Variants in MYOF observed in about 807,000 individuals in gnomAD.
MYOF encodes the protein fer-1-like 3, myoferlin.
Under a neutral mutation model 284.2 loss-of-function variants are expected in MYOF, and 244 were observed. That is an observed-to-expected ratio of 0.86 (90% CI 0.77 to 0.95). MYOF has a LOEUF of 0.95. Ranked by LOEUF, MYOF falls within the 40% of genes least tolerant of loss-of-function variation. The probability of loss-of-function intolerance (pLI) is 0.00; values close to 1 mark genes in which losing one functional copy is unlikely to be tolerated. For missense variants in MYOF, 2,496 were observed against 2,560.6 expected (o/e 0.97, Z 0.54); for synonymous variants, 904 against 919.7 (o/e 0.98, Z 0.31).
chr10:93,312,409 G>A (rs938081817), intron 51 of MYOF, among the ~76,000 whole-genome samples: 1 of 151,884 alleles, frequency 6.6e-6, no homozygotes, highest in African/African-American at 2.4e-5. Flanking sequence ...ACAGTGGCAC[G>A]ATCTTGGCTC....
At chr10:93,473,783 A>T (rs1401405357) in intron 1 of MYOF, among the ~76,000 whole-genome samples, 2 of 152,224 alleles carry the variant, frequency 1.3e-5, no homozygotes, top group Non-Finnish European at 2.9e-5. Flanking sequence ...ACAACAGGCT[A>T]GGGAGAGAAG....
At chr10:93,359,116 C>A (rs1844946341) in intron 29 of MYOF, among the ~76,000 whole-genome samples, 1 of 152,114 alleles carries the variant, frequency 6.6e-6, no homozygotes, top group African/African-American at 2.4e-5. Flanking sequence ...CCGGAGTTAC[C>A]CATTCTGTGG....
chr10:93,342,254 A>G (rs1310389493), intron 38 of MYOF, among the ~76,000 whole-genome samples: 1 of 152,196 alleles, frequency 6.6e-6, no homozygotes, highest in Non-Finnish European at 1.5e-5. Flanking sequence ...GGAAGTGGTA[A>G]TACATGCACA....
At chr10:93,322,066 A>T (rs1252377033) in intron 48 of MYOF, among the ~76,000 whole-genome samples, 10 of 152,206 alleles carry the variant, frequency 6.6e-5, no homozygotes, top group Admixed American at 6.5e-4. Flanking sequence ...AGCTGAGATT[A>T]GTTTCCCTAG....
At chr10:93,425,449 C>A (rs1014694655) in intron 5 of MYOF, among the ~76,000 whole-genome samples, 21 of 152,164 alleles carry the variant, frequency 1.4e-4, no homozygotes, top group Non-Finnish European at 2.9e-4. Flanking sequence ...GGCCCTCCCT[C>A]CCTGAGCCCT....
intron 19 of MYOF, among the ~76,000 whole-genome samples, 199 bp from the exon 20 acceptor site, chr10:93,381,595 A>G (rs539012190): frequency 2.1e-4 from 32 of 152,350 alleles, no homozygotes; most frequent in African/African-American, 7.7e-4. Flanking sequence ...TCCTGGCAGC[A>G]TTGATTGAAA....
intron 2 of MYOF, among the ~76,000 whole-genome samples, chr10:93,454,856 G>A (rs933926285): frequency 1.3e-5 from 2 of 151,962 alleles, no homozygotes; most frequent in African/African-American, 4.8e-5. Context: ...GCTTATACCT[G>A]TAGTCCCAGC....
chr10:93,455,102 C>A (rs927237532), intron 2 of MYOF, among the ~76,000 whole-genome samples: 1 of 148,416 alleles, frequency 6.7e-6, no homozygotes, highest in Non-Finnish European at 1.5e-5. Flanking sequence ...CCAGCCTGAT[C>A]AACATGGAGA....
chr10:93,382,035 C>CA (rs970964909), intron 19 of MYOF, among the ~76,000 whole-genome samples: 11 of 150,576 alleles, frequency 7.3e-5, no homozygotes, highest in Non-Finnish European at 1.2e-4. Context: ...GACTCCATCT[C>CA]AAAAAAAGAG....
At chr10:93,387,346 C>A (rs989959731) in intron 19 of MYOF, among the ~76,000 whole-genome samples, 12 of 152,310 alleles carry the variant, frequency 7.9e-5, no homozygotes, top group African/African-American at 2.9e-4. Context: ...CCTGGATTCT[C>A]AGAAATGGTT....
chr10:93,417,831 A>T (rs1286134178), intron 5 of MYOF, among the ~76,000 whole-genome samples: 1 of 151,930 alleles, frequency 6.6e-6, no homozygotes, highest in Non-Finnish European at 1.5e-5. Flanking sequence ...CACAGACCCC[A>T]CTTCAGCCCC....
At chr10:93,467,527 G>A (rs1280768139) in intron 1 of MYOF, among the ~76,000 whole-genome samples, 1 of 152,034 alleles carries the variant, frequency 6.6e-6, no homozygotes, top group East Asian at 1.9e-4. Context: ...CTGTTGGTGG[G>A]ACTGTAAACT....
intron 24 of MYOF, among the ~76,000 whole-genome samples, chr10:93,370,348 C>T (rs1845532576): frequency 2.4e-5 from 3 of 122,558 alleles, no homozygotes; most frequent in South Asian, 4.9e-4. Flanking sequence ...GACAGAGTCT[C>T]ACTCTGTTGC....
chr10:93,334,676 C>CA (rs1843513898), intron 41 of MYOF, among the ~76,000 whole-genome samples: 1 of 152,150 alleles, frequency 6.6e-6, no homozygotes, highest in Non-Finnish European at 1.5e-5. Flanking sequence ...CAGGAGAAAG[C>CA]ACTGAAGCCG....
chr10:93,391,480 A>G (rs1271409692), intron 17 of MYOF, among the ~76,000 whole-genome samples: 2 of 152,172 alleles, frequency 1.3e-5, no homozygotes, highest in Non-Finnish European at 2.9e-5. Flanking sequence ...CTGTAATTCC[A>G]GCTACTAGGG....
At chr10:93,428,360 C>T (rs1426331737) in intron 4 of MYOF, among the ~76,000 whole-genome samples, 2 of 87,774 alleles carry the variant, frequency 2.3e-5, no homozygotes, top group East Asian at 3.6e-4. Flanking sequence ...GCCACCATGC[C>T]CAGCTAATTT....
intron 2 of MYOF, 135 bp downstream of exon 2, chr10:93,456,747 A>G: frequency 3.0e-6 from 2 of 660,878 alleles, no homozygotes; most frequent in South Asian, 2.0e-5. Context: ...TGGTGAACAC[A>G]AAGGGAAACG....
intron 5 of MYOF, among the ~76,000 whole-genome samples, chr10:93,411,981 G>A (rs1847917998): frequency 6.6e-6 from 1 of 151,912 alleles, no homozygotes. Flanking sequence ...TCTGTCCTCT[G>A]ATCCTTTGAC....
At chr10:93,437,120 G>A (rs995818323) in intron 3 of MYOF, among the ~76,000 whole-genome samples, 4 of 152,130 alleles carry the variant, frequency 2.6e-5, no homozygotes, top group Non-Finnish European at 2.9e-5. Context: ...GTTTGGAGTC[G>A]AGTCTCTATG....
Sources: allele counts gnomAD v4.1 joint callset (sites outside exome capture counted in the v4.1 genomes callset), GRCh38; gene constraint gnomAD v4.1.1; transcripts MANE v1.5; gene names NCBI Gene and HGNC (gene_info 2026-07-23, HGNC 2026-07-21).